The following MPPED1 variants were observed in gnomAD, a reference collection of about 807,000 sequenced individuals.
The protein encoded by MPPED1 is metallophosphoesterase domain-containing protein 1.
Under a neutral mutation model 36.2 loss-of-function variants are expected in MPPED1, and 16 were observed. The observed-to-expected ratio is 0.44, with a 90% CI of 0.30 to 0.67. The LOEUF is 0.67. Ranked by LOEUF, MPPED1 falls within the 30% of genes least tolerant of loss-of-function variation. The pLI is 0.10. For missense variants in MPPED1, 307 were observed against 453.4 expected (o/e 0.68, Z 2.93); for synonymous variants, 199 against 191.3 (o/e 1.04, Z -0.33).
rs1470147757 is a variant in MPPED1, at chr22:43,502,987, T to C, written c.862+230T>C. On this transcript the variant is annotated intron_variant, in intron 6 of 6. Coordinates refer to ENST00000443721, the MANE Select transcript of MPPED1 (RefSeq NM_001044370.2). This position sits in a 1 kb window ranked among gnomAD's most constrained non-coding sequence, Gnocchi z 5.5. ...GCATGACTTAGGGGGTAAATTTTGC[T>C]TCCGGGGAGCCCTGCAACTCTGCTG... 6.6e-6 allele frequency among the ~76,000 whole-genome samples: 1 copy of C among 152,198 alleles called. No individual in the cohort carries two copies. The highest frequency in any genetic ancestry group is 2.4e-5 in the African/African-American group (1 of 41,452).
At chr22:43,469,085 G>A (rs774758121) in intron 3 of MPPED1, among the ~76,000 whole-genome samples, 18 of 152,078 alleles carry the variant, frequency 1.2e-4, no homozygotes, top group South Asian at 2.1e-4. Context: ...TCCAAGGTTG[G>A]TGCTGCCTAA....
chr22:43,424,391 G>T (rs111553467), intron 1 of MPPED1, among the ~76,000 whole-genome samples: 1 of 152,166 alleles, frequency 6.6e-6, no homozygotes, highest in African/African-American at 2.4e-5. Context: ...ATTTTCGCCC[G>T]TGCTGTCTCC....
At chr22:43,417,870 G>A in intron 1 of MPPED1, 1 of 363,126 alleles carries the variant, frequency 2.8e-6, no homozygotes, top group Non-Finnish European at 5.4e-6. Flanking sequence ...AAGGCCCCAA[G>A]AGGAGACGGA....
chr22:43,472,942 T>C (rs757824559), intron 3 of MPPED1, among the ~76,000 whole-genome samples: 24 of 151,388 alleles, frequency 1.6e-4, no homozygotes, highest in Non-Finnish European at 2.8e-4. Context: ...TACCCTTCCC[T>C]GGAGCTCACG....
rs894098141 is a variant in MPPED1, at chr22:43,498,400, G to T, written c.748+50G>T. On this transcript the variant is annotated intron_variant, in intron 5 of 6. Transcript: ENST00000443721. The stretch of plus-strand genomic sequence containing the variant: ...CCAGCTCGCCCATCTGGGCTGGTGG[G>T]TGGGCTCTGGGATGGGGGGCTGGCT... 9 of 1,440,966 alleles carry T rather than the reference G, an allele frequency of 6.2e-6. No individual in the cohort carries two copies. The African/African-American group carries it at 1.3e-4, about 20-fold the overall frequency. The allele number at this position is 1,440,966 out of a possible 1,614,324, so 89.3% of individuals were successfully genotyped here. A position where few individuals can be genotyped will look rare whatever the true frequency, so the allele number is the denominator to read the frequency against.
At chr22:43,469,243 A>G (rs1190019566) in intron 3 of MPPED1, among the ~76,000 whole-genome samples, 2 of 152,226 alleles carry the variant, frequency 1.3e-5, no homozygotes, top group African/African-American at 4.8e-5. Context: ...AGCAGCAGGA[A>G]AGGGCAAAGA....
chr22:43,460,892 G>T (rs973069260), intron 3 of MPPED1, among the ~76,000 whole-genome samples: 1 of 152,214 alleles, frequency 6.6e-6, no homozygotes, highest in East Asian at 1.9e-4. Context: ...TAGATGTCCT[G>T]TGGATGCCTC....
intron 3 of MPPED1, among the ~76,000 whole-genome samples, chr22:43,473,841 G>GAC (rs1482402932): frequency 4.6e-5 from 7 of 152,328 alleles, no homozygotes; most frequent in Admixed American, 3.9e-4. Context: ...TCTCTTGGGT[G>GAC]ACAGTGCACA....
intron 4 of MPPED1, among the ~76,000 whole-genome samples, chr22:43,496,992 T>G (rs1388898580): frequency 5.2e-5 from 7 of 134,352 alleles, no homozygotes; most frequent in African/African-American, 2.1e-4. Flanking sequence ...GTAGTGGTGG[T>G]GGAGGTGGTG....
At chr22:43,500,355 ATGGAGG>A (rs1333566848) in intron 5 of MPPED1, among the ~76,000 whole-genome samples, 1 of 33,754 alleles carries the variant, frequency 3.0e-5, no homozygotes, top group Non-Finnish European at 6.0e-5. Context: ...GGTGATGGTG[ATGGAGG>A]TGGTGATGGG....
rs576077527 is a variant in MPPED1 at position 43,483,973 on chromosome 22, C to CAAGGATGTAGGGCG, written c.632+9013_632+9014insAGGATGTAGGGCGA. Among the ~76,000 whole-genome samples the CAAGGATGTAGGGCG allele has an allele frequency of 5.9e-5, 9 of 152,338 alleles. No individual in the cohort carries two copies. In the East Asian group the frequency reaches 9.7e-4, roughly 16 times the overall value. On this transcript the variant is annotated intron_variant, in intron 4 of 6. Transcript: ENST00000443721. The stretch of plus-strand genomic sequence containing the variant: ...TGTTTTCCTGAAGCCCTCTGGGGCC[C>CAAGGATGTAGGGCG]AGTGTACCAAGGATGGAGGGCGAGT...
chr22:43,486,820 A>G (rs1320781744), intron 4 of MPPED1, among the ~76,000 whole-genome samples: 2 of 151,930 alleles, frequency 1.3e-5, no homozygotes, highest in Admixed American at 6.5e-5. Context: ...ATCTGGGTTT[A>G]CCTCTGAGGC....
chr22:43,440,453 C>G (rs1930111803), intron 3 of MPPED1, among the ~76,000 whole-genome samples: 1 of 152,160 alleles, frequency 6.6e-6, no homozygotes, highest in African/African-American at 2.4e-5. Context: ...CAGAAGCACC[C>G]TCCTCCCAGG....
At chr22:43,417,928 C>T in intron 1 of MPPED1, 1 of 401,390 alleles carries the variant, frequency 2.5e-6, no homozygotes, top group Non-Finnish European at 5.0e-6. Context: ...AGGTGGGGTT[C>T]CTCAGAACGC....
chr22:43,456,987 G>C (rs1930778587), intron 3 of MPPED1, among the ~76,000 whole-genome samples: 1 of 152,124 alleles, frequency 6.6e-6, no homozygotes. Context: ...TTTATATGGT[G>C]TCTAATCCTT....
At chr22:43,486,993 A>G (rs28595735) in intron 4 of MPPED1, among the ~76,000 whole-genome samples, 93,139 of 151,972 alleles carry the variant, frequency 0.61, 29,103 homozygotes, top group East Asian at 0.77. Context: ...CTCTGAGGTG[A>G]GGCTCCTGGC....
chr22:43,447,882 TA>T (rs1312036363), intron 3 of MPPED1, among the ~76,000 whole-genome samples: 772 of 34,576 alleles, frequency 0.022, 14 homozygotes, highest in African/African-American at 0.093. Flanking sequence ...TATATATATA[TA>T]TTTTTTTTTT....
chr22:43,501,027 C>T (rs566169424), intron 5 of MPPED1, among the ~76,000 whole-genome samples: 1 of 152,180 alleles, frequency 6.6e-6, no homozygotes, highest in East Asian at 1.9e-4. Flanking sequence ...ATCCTGATAC[C>T]ACTTTGTGCC....
At chr22:43,492,841 TA>T (rs1932146745) in intron 4 of MPPED1, among the ~76,000 whole-genome samples, 2 of 152,174 alleles carry the variant, frequency 1.3e-5, no homozygotes, top group Non-Finnish European at 2.9e-5. Context: ...TGCCTGCTTT[TA>T]GTACGTTCCC....
Sources: gnomAD v4.1 joint callset for allele counts (sites outside exome capture counted in the v4.1 genomes callset) on GRCh38, gnomAD v4.1.1 for gene constraint, Gnocchi (gnomAD v3.1) non-coding constraint, MANE v1.5 for transcripts, NCBI Gene and HGNC (gene_info 2026-07-23, HGNC 2026-07-21) for gene names.